FARS2: variants seen among roughly 807,000 people sequenced by gnomAD.
FARS2 encodes phenylalanyl-tRNA synthetase 2, mitochondrial.
Under a neutral mutation model 46.4 loss-of-function variants are expected in FARS2, and 40 were observed. The observed-to-expected ratio is 0.86, with a 90% CI of 0.67 to 1.12. The LOEUF (loss-of-function observed/expected upper bound fraction) is 1.12, where lower values mean the gene tolerates loss of function less well. Among genes scored for constraint, FARS2 ranks in the 50% most tolerant of loss-of-function variants. The pLI is 0.00. For synonymous variants in FARS2, 234 were observed against 214.9 expected, an observed-to-expected ratio of 1.09 and a Z score of -0.78; for missense variants, 513 against 567.9, an observed-to-expected ratio of 0.90 and a Z score of 0.98.
chr6:5,717,351 A>ATGTG (rs58875741), intron 6 of FARS2, among the ~76,000 whole-genome samples: 34,057 of 141,542 alleles, frequency 0.24, 4,417 homozygotes, highest in East Asian at 0.58. Flanking sequence ...AGATATGTAT[A>ATGTG]TGTGTGTGTG....
Position 5,368,837 on chromosome 6 carries a change from C to G in FARS2, c.267C>G (p.Ile89Met), listed in dbSNP as rs143959504. ...HNQQHHPLWLIKERVKEHFYK... is the reference protein window; with the variant it reads ...HNQQHHPLWLMKERVKEHFYK... ...AGCAGCATCACCCTCTGTGGCTGAT[C>G]AAGGAGAGGGTGAAGGAGCACTTCT... Residue 89 changes from isoleucine (I) to methionine (M), a missense_variant, in exon 2 of 7, where the codon ATC becomes ATG. Ile to Met is a conservative substitution (Grantham distance 10, BLOSUM62 1). Transcript: ENST00000274680. The G allele has an allele frequency of 6.0e-5, 97 of 1,613,966 alleles. 1 individual carries two copies. In the African/African-American group the frequency reaches 9.7e-4, roughly 16 times the overall value.
chr6:5,757,477 C>G (rs996901470), intron 6 of FARS2, among the ~76,000 whole-genome samples: 1 of 152,160 alleles, frequency 6.6e-6, no homozygotes, highest in Non-Finnish European at 1.5e-5. Flanking sequence ...GCCCTTGAAC[C>G]CAACCCAACC....
chr6:5,649,992 G>A (rs984402848), intron 6 of FARS2, among the ~76,000 whole-genome samples: 6 of 152,190 alleles, frequency 3.9e-5, no homozygotes, highest in African/African-American at 1.4e-4. Flanking sequence ...ATTGGGAAAG[G>A]TTCAGGTGAC....
At chr6:5,593,991 C>G (rs9392700) in intron 5 of FARS2, among the ~76,000 whole-genome samples, 26,281 of 152,168 alleles carry the variant, frequency 0.17, 2,496 homozygotes, top group East Asian at 0.33. Flanking sequence ...ACAGGCACCT[C>G]CAGTCCTGTT....
chr6:5,303,977 G>A (rs552154365), intron 1 of FARS2, among the ~76,000 whole-genome samples: 2 of 152,072 alleles, frequency 1.3e-5, no homozygotes, highest in African/African-American at 2.4e-5. Flanking sequence ...ATGCCTGTGC[G>A]TCCGTAGAAT....
At chr6:5,766,713 C>T (rs186158873) in intron 6 of FARS2, among the ~76,000 whole-genome samples, 1 of 152,180 alleles carries the variant, frequency 6.6e-6, no homozygotes, top group Non-Finnish European at 1.5e-5. Flanking sequence ...GTGTACAATT[C>T]AGTGGTATTT....
chr6:5,577,895 G>A (rs549834581), intron 5 of FARS2, among the ~76,000 whole-genome samples: 22 of 152,062 alleles, frequency 1.4e-4, no homozygotes, highest in Admixed American at 5.2e-4. Context: ...TCTGCCTCCC[G>A]GGTTCACGCC....
chr6:5,507,753 C>T (rs1439777293), intron 4 of FARS2, among the ~76,000 whole-genome samples: 1 of 152,160 alleles, frequency 6.6e-6, no homozygotes, highest in Non-Finnish European at 1.5e-5. Flanking sequence ...ACTGCGGACA[C>T]GCCATGATGG....
At chr6:5,364,669 G>A (rs1758532396) in intron 1 of FARS2, among the ~76,000 whole-genome samples, 1 of 152,186 alleles carries the variant, frequency 6.6e-6, no homozygotes, top group Admixed American at 6.5e-5. Context: ...TACCTTGATA[G>A]CAAGAAAGCC....
chr6:5,450,171 A>T (rs1050189633), intron 4 of FARS2, among the ~76,000 whole-genome samples: 1 of 152,218 alleles, frequency 6.6e-6, no homozygotes, highest in Non-Finnish European at 1.5e-5. Context: ...TGCAGCTCAC[A>T]GTCAGGTGGG....
intron 4 of FARS2, among the ~76,000 whole-genome samples, chr6:5,441,640 C>T (rs572461203): frequency 6.6e-6 from 1 of 152,146 alleles, no homozygotes; most frequent in Non-Finnish European, 1.5e-5. Flanking sequence ...ATAGTTCATT[C>T]ATCCATTCTT....
chr6:5,604,383 C>CG (rs1489780018), intron 5 of FARS2, among the ~76,000 whole-genome samples: 1 of 152,144 alleles, frequency 6.6e-6, no homozygotes, highest in Non-Finnish European at 1.5e-5. Flanking sequence ...GTTTCCCCCC[C>CG]AGAAAGCAAA....
intron 2 of FARS2, among the ~76,000 whole-genome samples, chr6:5,373,021 A>G (rs1759152515): frequency 6.6e-6 from 1 of 152,166 alleles, no homozygotes; most frequent in Non-Finnish European, 1.5e-5. Flanking sequence ...ACCGCAGACA[A>G]CATCTACAAC....
At chr6:5,735,851 T>C (rs908420348) in intron 6 of FARS2, among the ~76,000 whole-genome samples, 1 of 152,180 alleles carries the variant, frequency 6.6e-6, no homozygotes, top group African/African-American at 2.4e-5. Context: ...TTGCCAAAAC[T>C]CATAAGGAAG....
intron 5 of FARS2, among the ~76,000 whole-genome samples, chr6:5,546,503 G>A (rs1056398519): frequency 1.3e-5 from 2 of 151,518 alleles, no homozygotes; most frequent in Non-Finnish European, 2.9e-5. Context: ...GCCCGCCTTG[G>A]CCTCCCGAAG....
chr6:5,731,441 C>G (rs1659304392), intron 6 of FARS2, among the ~76,000 whole-genome samples: 1 of 152,210 alleles, frequency 6.6e-6, no homozygotes, highest in Non-Finnish European at 1.5e-5. Context: ...TCTTGCTCCC[C>G]AGATTCGTTC....
intron 4 of FARS2, among the ~76,000 whole-genome samples, chr6:5,434,662 C>T (rs550151870): frequency 1.8e-4 from 28 of 152,216 alleles, no homozygotes; most frequent in African/African-American, 6.7e-4. Context: ...GTTCTTATGG[C>T]GTGGAGAAAG....
intron 1 of FARS2, among the ~76,000 whole-genome samples, chr6:5,274,173 A>G (rs1324050702): frequency 6.6e-6 from 1 of 152,222 alleles, no homozygotes; most frequent in Admixed American, 6.5e-5. Context: ...TGTAAAAATT[A>G]TTGAGTGACT....
At chr6:5,713,330 G>A (rs72819990) in intron 6 of FARS2, among the ~76,000 whole-genome samples, 10,882 of 152,214 alleles carry the variant, frequency 0.071, 468 homozygotes, top group African/African-American at 0.13. Flanking sequence ...TCCAAACCAG[G>A]GGAATACAAA....
Sources: gnomAD v4.1 joint callset for allele counts (sites outside exome capture counted in the v4.1 genomes callset) on GRCh38, gnomAD v4.1.1 for gene constraint, MANE v1.5 for transcripts, NCBI Gene and HGNC (gene_info 2026-07-23, HGNC 2026-07-21) for gene names.